ZDHHC2: variants seen among roughly 807,000 people sequenced by gnomAD.
The protein encoded by ZDHHC2 is palmitoyltransferase ZDHHC2.
A neutral mutation model predicts 55.6 loss-of-function variants in ZDHHC2; 51 were observed. The observed-to-expected ratio is 0.92, with a 90% CI of 0.73 to 1.16. ZDHHC2 has a LOEUF of 1.16. Among genes scored for constraint, ZDHHC2 ranks in the 50% most tolerant of loss-of-function variants. ZDHHC2 has a pLI of 0.00. For synonymous variants in ZDHHC2, 199 were observed against 152.9 expected, an observed-to-expected ratio of 1.30 and a Z score of -2.22; for missense variants, 491 against 442.4, an observed-to-expected ratio of 1.11 and a Z score of -0.99.
At chr8:17,173,176 G>A (rs894599238) in intron 1 of ZDHHC2, among the ~76,000 whole-genome samples, 1 of 152,160 alleles carries the variant, frequency 6.6e-6, no homozygotes, top group South Asian at 2.1e-4. Flanking sequence ...CAGTGGCTGC[G>A]AGGCATCCGA....
At chr8:17,197,899 C>A (rs1806404109) in intron 5 of ZDHHC2, among the ~76,000 whole-genome samples, 1 of 152,186 alleles carries the variant, frequency 6.6e-6, no homozygotes, top group Admixed American at 6.5e-5. Flanking sequence ...TCTGACTTGG[C>A]TGGTTCAATT....
At chr8:17,162,463 A>G (rs905039051) in intron 1 of ZDHHC2, among the ~76,000 whole-genome samples, 1 of 152,206 alleles carries the variant, frequency 6.6e-6, no homozygotes, top group Non-Finnish European at 1.5e-5. Flanking sequence ...TGTTTCCAGT[A>G]ATTAAACAGA....
chr8:17,209,228 C>A (rs1807253768), intron 8 of ZDHHC2, among the ~76,000 whole-genome samples: 1 of 152,124 alleles, frequency 6.6e-6, no homozygotes, highest in Non-Finnish European at 1.5e-5. Flanking sequence ...TCACCAGATG[C>A]AATACATGGT....
chr8:17,185,898 G>T (rs1221347058), intron 2 of ZDHHC2, among the ~76,000 whole-genome samples: 1 of 152,202 alleles, frequency 6.6e-6, no homozygotes, highest in Non-Finnish European at 1.5e-5. Flanking sequence ...AAGCAAATAA[G>T]CAAACAGCTT....
intron 3 of ZDHHC2, among the ~76,000 whole-genome samples, chr8:17,187,982 G>T (rs537647330): frequency 7.2e-5 from 11 of 152,176 alleles, no homozygotes; most frequent in African/African-American, 2.7e-4. Context: ...TCTAATTCTG[G>T]GTCTTCATCA....
chr8:17,180,656 C>T (rs1209915085), intron 1 of ZDHHC2, among the ~76,000 whole-genome samples: 1 of 152,322 alleles, frequency 6.6e-6, no homozygotes, highest in South Asian at 2.1e-4. Flanking sequence ...TGAATTCTCG[C>T]TACAGCCCTA....
chr8:17,188,382 C>G (rs529571675), intron 3 of ZDHHC2, among the ~76,000 whole-genome samples: 15 of 151,746 alleles, frequency 9.9e-5, no homozygotes, highest in Non-Finnish European at 2.1e-4. Flanking sequence ...AATAGCAGCT[C>G]TTGTCTCAAT....
chr8:17,158,759 T>C (rs985631260), intron 1 of ZDHHC2, among the ~76,000 whole-genome samples: 1 of 152,248 alleles, frequency 6.6e-6, no homozygotes, highest in Non-Finnish European at 1.5e-5. Flanking sequence ...CTGTTATTGA[T>C]ACCTTATCTA....
At chr8:17,170,846 G>A (rs1804821128) in intron 1 of ZDHHC2, among the ~76,000 whole-genome samples, 1 of 152,168 alleles carries the variant, frequency 6.6e-6, no homozygotes, top group Admixed American at 6.5e-5. Flanking sequence ...GGGACGTTTT[G>A]CATGCTACCA....
intron 3 of ZDHHC2, among the ~76,000 whole-genome samples, chr8:17,187,320 T>G (rs1023519526): frequency 3.6e-4 from 55 of 152,342 alleles, no homozygotes; most frequent in African/African-American, 1.3e-3. Context: ...GTCTCACTCA[T>G]TTTTGTATCC....
intron 1 of ZDHHC2, among the ~76,000 whole-genome samples, chr8:17,173,036 G>A (rs1396644577): frequency 6.6e-6 from 1 of 152,196 alleles, no homozygotes; most frequent in Non-Finnish European, 1.5e-5. Context: ...GTGACCAGAA[G>A]AGGACATTTT....
intron 1 of ZDHHC2, among the ~76,000 whole-genome samples, chr8:17,165,155 A>C (rs1804541915): frequency 6.6e-6 from 1 of 152,234 alleles, no homozygotes; most frequent in South Asian, 2.1e-4. Context: ...GCCAACTGCG[A>C]GCATGAAAAA....
At position 17,210,449 on chromosome 8, in the gene ZDHHC2, A is replaced by G. The variant is rs1303041981; in HGVS notation, c.919A>G (p.Thr307Ala). 1.2e-6 allele frequency: 2 copies of G among 1,612,122 alleles called. No homozygotes were observed. Among genetic ancestry groups the G allele is most frequent in the East Asian group, 2.2e-5 (1 of 44,784 alleles). The part of the protein sequence containing the change: ...LVNQDPEQAS[T>A]PAGLNSTAKN... Reference sequence around the variant, plus strand: ...TAACCAGGATCCTGAACAAGCATCTACTCCTGCAGGGCTGAATTCCACAGC... The same window carrying G: ...TAACCAGGATCCTGAACAAGCATCTGCTCCTGCAGGGCTGAATTCCACAGC... The change falls in exon 10 of 13, where the codon ACT (threonine) becomes GCT (alanine). Residue 307 changes from threonine to alanine, a missense_variant. Thr to Ala is a moderately conservative substitution (Grantham distance 58). Coordinates refer to ENST00000262096, the MANE Select transcript of ZDHHC2 (RefSeq NM_016353.5).
chr8:17,177,659 A>G (rs1194481329), intron 1 of ZDHHC2, among the ~76,000 whole-genome samples: 1 of 152,184 alleles, frequency 6.6e-6, no homozygotes, highest in East Asian at 1.9e-4. Flanking sequence ...TTCTCAATAA[A>G]TGAGTTAAAG....
At chr8:17,198,966 G>C (rs1401012946) in intron 6 of ZDHHC2, among the ~76,000 whole-genome samples, 3 of 151,590 alleles carry the variant, frequency 2.0e-5, no homozygotes. Context: ...TTATTTGAAA[G>C]ATCTGATTAG....
intron 1 of ZDHHC2, among the ~76,000 whole-genome samples, chr8:17,171,811 A>T (rs1247144704): frequency 1.3e-5 from 2 of 151,042 alleles, no homozygotes; most frequent in African/African-American, 4.9e-5. Context: ...ATGAGGTGTA[A>T]TGCCCAACCT....
chr8:17,175,505 A>G (rs941552269), intron 1 of ZDHHC2, among the ~76,000 whole-genome samples: 1 of 152,200 alleles, frequency 6.6e-6, no homozygotes, highest in Non-Finnish European at 1.5e-5. Flanking sequence ...AACTGCTAGC[A>G]CTAAACTTTA....
At chr8:17,158,910 A>G (rs895755154) in intron 1 of ZDHHC2, among the ~76,000 whole-genome samples, 2 of 152,256 alleles carry the variant, frequency 1.3e-5, no homozygotes, top group African/African-American at 4.8e-5. Context: ...CAGAGGCACT[A>G]TCTCCTAGGT....
At chr8:17,195,304 T>G (rs534780514) in intron 3 of ZDHHC2, among the ~76,000 whole-genome samples, 200 bp from the exon 4 acceptor site, 50 of 152,324 alleles carry the variant, frequency 3.3e-4, no homozygotes, top group Admixed American at 1.2e-3. Flanking sequence ...TGATGATGAT[T>G]ATTATACCCT....
Sources: gnomAD v4.1 joint callset for allele counts (sites outside exome capture counted in the v4.1 genomes callset) on GRCh38, gnomAD v4.1.1 for gene constraint, MANE v1.5 for transcripts, NCBI Gene and HGNC (gene_info 2026-07-23, HGNC 2026-07-21) for gene names.